Variants in RARB observed in about 807,000 individuals in gnomAD.
The protein encoded by RARB is retinoic acid receptor beta.
RARB carries 17 observed loss-of-function variants against 51.9 expected under a neutral mutation model. The ratio of observed to expected loss-of-function variants is 0.33; its 90% confidence interval spans 0.22 to 0.49. The LOEUF (loss-of-function observed/expected upper bound fraction) is 0.49. RARB is among the 20% of genes least tolerant of loss of function. The pLI, the probability that RARB is intolerant of heterozygous loss-of-function variation, is 0.99. For synonymous variants in RARB, 215 were observed against 195.4 expected, an observed-to-expected ratio of 1.10 and a Z score of -0.84; for missense variants, 369 against 550.8, an observed-to-expected ratio of 0.67 and a Z score of 3.30.
At chr3:25,263,221 A>G (rs972145564) in intron 5 of RARB, among the ~76,000 whole-genome samples, 1 of 152,076 alleles carries the variant, frequency 6.6e-6, no homozygotes, top group African/African-American at 2.4e-5. Context: ...ATAAAATTAC[A>G]TATTGTATAT....
At chr3:25,570,098 C>T (rs1310916436) in intron 4 of RARB, among the ~76,000 whole-genome samples, 180 bp downstream of exon 4, 1 of 152,182 alleles carries the variant, frequency 6.6e-6, no homozygotes, top group Non-Finnish European at 1.5e-5. Context: ...TGTGAGGTAG[C>T]CTTTGGGCGT....
chr3:25,440,230 T>A (rs946614147), intron 1 of RARB, among the ~76,000 whole-genome samples: 3 of 152,048 alleles, frequency 2.0e-5, no homozygotes, highest in Non-Finnish European at 4.4e-5. Context: ...GGCAGGCAGA[T>A]CACTTGAGCC....
intron 2 of RARB, among the ~76,000 whole-genome samples, chr3:24,871,520 T>C (rs1367311498): frequency 6.6e-6 from 1 of 152,146 alleles, no homozygotes; most frequent in Non-Finnish European, 1.5e-5. Flanking sequence ...CCAAAATCTA[T>C]AGATTGAATG....
intron 2 of RARB, among the ~76,000 whole-genome samples, chr3:24,951,591 C>G (rs1454692194): frequency 2.0e-5 from 3 of 152,148 alleles, no homozygotes; most frequent in Non-Finnish European, 1.5e-5. Context: ...TTACATCCCT[C>G]TACTAGGCAT....
chr3:24,884,469 T>G (rs774739123), intron 2 of RARB, among the ~76,000 whole-genome samples: 1 of 152,134 alleles, frequency 6.6e-6, no homozygotes, highest in Non-Finnish European at 1.5e-5. Flanking sequence ...ATCTCCAAAC[T>G]TCTCAAAGTT....
intron 2 of RARB, among the ~76,000 whole-genome samples, chr3:25,470,524 AGTGT>A (rs983136978): frequency 1.3e-5 from 2 of 152,148 alleles, no homozygotes; most frequent in African/African-American, 4.8e-5. Flanking sequence ...AGGGGAGAGG[AGTGT>A]TCCAGGCAAA....
intron 5 of RARB, among the ~76,000 whole-genome samples, chr3:25,356,383 T>A (rs538500344): frequency 3.3e-5 from 5 of 152,268 alleles, no homozygotes; most frequent in African/African-American, 1.2e-4. Flanking sequence ...ATATTCTTAG[T>A]GTTTTGATAA....
chr3:25,225,575 T>C (rs1197192074), intron 5 of RARB, among the ~76,000 whole-genome samples: 4 of 152,072 alleles, frequency 2.6e-5, no homozygotes, highest in African/African-American at 7.2e-5. Context: ...ATAATAAAAA[T>C]GTTAAAGTCT....
intron 5 of RARB, among the ~76,000 whole-genome samples, chr3:25,209,561 G>C (rs1252215252): frequency 6.6e-6 from 1 of 152,188 alleles, no homozygotes; most frequent in East Asian, 1.9e-4. Flanking sequence ...AAGGGAGGCA[G>C]ACCCATGGAT....
In RARB at chr3:25,178,534, GACCCCAGAGCGC is replaced by G. The variant is rs149613874; in HGVS notation, c.178+3961_178+3972del. ...GTCAAATTCCAAATCCAGACCCCGA[GACCCCAGAGCGC>G]ATGCCTTTCCCAGTGTTTTGGGCAA... is the stretch of plus-strand genomic sequence containing the variant. On this transcript the variant is annotated intron_variant, in intron 5 of 11. Coordinates refer to the RARB transcript ENST00000383772. Among the ~76,000 whole-genome samples, 352 of 152,062 alleles carry G rather than the reference GACCCCAGAGCGC, an allele frequency of 2.3e-3. 1 individual carries two copies. The highest frequency in any genetic ancestry group is 0.02 in the East Asian group (104 of 5,168).
chr3:25,203,615 A>G (rs1244177120), intron 5 of RARB, among the ~76,000 whole-genome samples: 2 of 152,108 alleles, frequency 1.3e-5, no homozygotes, highest in African/African-American at 4.8e-5. Context: ...GAGCTCTTGT[A>G]GGGCAGGCCT....
chr3:25,430,471 A>C (rs1271188991), intron 1 of RARB, among the ~76,000 whole-genome samples: 1 of 152,224 alleles, frequency 6.6e-6, no homozygotes, highest in African/African-American at 2.4e-5. Context: ...AGGAAAAAAT[A>C]TGCTCAGGAT....
chr3:25,277,197 G>A lies in RARB; in HGVS notation c.178+102622G>A, dbSNP rs564212192. On this transcript the variant is annotated intron_variant, in intron 5 of 11. Coordinates refer to the RARB transcript ENST00000383772. ...TACTGGTAAGGAAGAACTCTAGGTA[G>A]GTGTCAAATAATTGGTAGATTTGCG... 5.3e-5 allele frequency among the ~76,000 whole-genome samples: 8 copies of A among 152,276 alleles called. No homozygotes were observed. The East Asian group carries it at 1.5e-3, about 29-fold the overall frequency.
chr3:24,891,541 T>C (rs1703377673), intron 2 of RARB, among the ~76,000 whole-genome samples: 1 of 152,238 alleles, frequency 6.6e-6, no homozygotes, highest in African/African-American at 2.4e-5. Context: ...AAATGTTACC[T>C]GTTGCTTACC....
At chr3:25,224,008 A>G (rs1559512222) in intron 5 of RARB, among the ~76,000 whole-genome samples, 1 of 152,232 alleles carries the variant, frequency 6.6e-6, no homozygotes, top group Non-Finnish European at 1.5e-5. Flanking sequence ...CTAAACACAT[A>G]AAGCATAATC....
chr3:24,932,415 TCTA>T (rs780488194), intron 2 of RARB, among the ~76,000 whole-genome samples: 4 of 152,058 alleles, frequency 2.6e-5, no homozygotes, highest in Admixed American at 6.6e-5. Context: ...TGTAGGGACA[TCTA>T]CTACTAGAGT....
intron 1 of RARB, among the ~76,000 whole-genome samples, chr3:25,443,331 CA>C (rs901874086): frequency 1.3e-4 from 20 of 152,174 alleles, no homozygotes; most frequent in African/African-American, 4.6e-4. Flanking sequence ...GGGCTACTGG[CA>C]CTTACTTTGA....
intron 3 of RARB, among the ~76,000 whole-genome samples, chr3:25,527,688 G>C (rs1324272675): frequency 6.6e-6 from 1 of 152,092 alleles, no homozygotes; most frequent in African/African-American, 2.4e-5. Flanking sequence ...AGGTAAAAAG[G>C]GTTTTTTGAG....
chr3:25,447,903 G>A (rs1237280960), intron 1 of RARB, among the ~76,000 whole-genome samples: 1 of 152,068 alleles, frequency 6.6e-6, no homozygotes, highest in African/African-American at 2.4e-5. Context: ...GGGGAAAGAA[G>A]GGAAGGTGAA....
Sources: allele counts gnomAD v4.1 joint callset (sites outside exome capture counted in the v4.1 genomes callset), GRCh38; gene constraint gnomAD v4.1.1; transcripts MANE v1.5; gene names NCBI Gene and HGNC (gene_info 2026-07-23, HGNC 2026-07-21).